Variants in MINK1 observed in about 807,000 individuals in gnomAD.
The protein encoded by MINK1 is misshapen like kinase 1.
In MINK1, 46 loss-of-function variants were observed where a neutral mutation model predicts 178.4. The ratio of observed to expected loss-of-function variants is 0.26; its 90% CI spans 0.20 to 0.33. The LOEUF (loss-of-function observed/expected upper bound fraction) is 0.33. Ranked by LOEUF, MINK1 falls within the 10% of genes least tolerant of loss-of-function variation. The probability of loss-of-function intolerance (pLI) is 1.00; values close to 1 mark genes in which losing one functional copy is unlikely to be tolerated. For synonymous variants in MINK1, 797 were observed against 709.7 expected, an observed-to-expected ratio of 1.12 and a Z score of -1.96; for missense variants, 1,366 against 1,814.9, an observed-to-expected ratio of 0.75 and a Z score of 4.49.
chr17:4,879,017 T>C (rs1428912201), intron 2 of MINK1, among the ~76,000 whole-genome samples: 2 of 151,656 alleles, frequency 1.3e-5, no homozygotes, highest in Non-Finnish European at 2.9e-5. Context: ...TGACCACTGC[T>C]CACACTTGGA....
chr17:4,867,037 G>A (rs1351023661), intron 1 of MINK1, among the ~76,000 whole-genome samples: 1 of 145,894 alleles, frequency 6.9e-6, no homozygotes, highest in Admixed American at 7.0e-5. Flanking sequence ...CGTGCCGCTT[G>A]CACTCCAGCC....
Position 4,885,748 on chromosome 17 carries a change from G to C in MINK1, c.639+135G>C. 7.1e-7 allele frequency: 1 copy of C among 1,416,942 alleles called. No homozygotes were observed. The highest frequency in any genetic ancestry group is 9.6e-7 in the Non-Finnish European group (1 of 1,036,446). The allele number at this position is 1,416,942 out of a possible 1,614,324, so 87.8% of individuals were successfully genotyped here. On this transcript the variant is annotated intron_variant, in intron 7 of 31. Transcript: ENST00000355280. The surrounding 1 kb of genome is among the most constrained non-coding windows in gnomAD (Gnocchi z 5.0). ...AGTGAGGGGCTGGGGAACATCTTACGGCAAGGCAAGTGTGGGTGGGAAGAT... is the reference window on the plus strand; with the variant it reads ...AGTGAGGGGCTGGGGAACATCTTACCGCAAGGCAAGTGTGGGTGGGAAGAT...
At chr17:4,841,566 T>G (rs185547423) in intron 1 of MINK1, among the ~76,000 whole-genome samples, 77 of 148,828 alleles carry the variant, frequency 5.2e-4, no homozygotes, top group Non-Finnish European at 3.3e-4. Flanking sequence ...ATCATCCACT[T>G]TCTCACAGAC....
chr17:4,893,050 C>T lies in MINK1; in HGVS notation c.2383C>T (p.Arg795Trp), dbSNP rs1449922653. 3.2e-6 allele frequency: 5 copies of T among 1,566,344 alleles called. No individual in the cohort carries two copies. The highest frequency in any genetic ancestry group is 1.9e-5 in the Admixed American group (1 of 52,778). Residue 795 changes from arginine (R) to tryptophan (W), a missense_variant, in exon 20 of 32, where the codon CGG becomes TGG. Physicochemically the swap from Arg to Trp is moderately radical, Grantham distance 101 (BLOSUM62 -3). Around this residue, in one of 14 missense-constraint regions of MINK1, gnomAD observed 709 missense variants for 692.3 expected, o/e 1.02. Transcript: ENST00000355280. ...NKAKPDDHRS[R>W]PGRPADFVLL... ...AGCCAAGCCCGACGACCACCGCTCA[C>T]GGCCAGGCCGGCCCGCAGTGAGTCA...
chr17:4,864,703 C>T (rs1439354477), intron 1 of MINK1, among the ~76,000 whole-genome samples: 5 of 151,974 alleles, frequency 3.3e-5, no homozygotes, highest in Non-Finnish European at 5.9e-5. Context: ...CCAGCCTAGG[C>T]GACAAGAGTG....
intron 4 of MINK1, among the ~76,000 whole-genome samples, chr17:4,882,702 A>G (rs1967811432): frequency 6.6e-6 from 1 of 152,234 alleles, no homozygotes. Flanking sequence ...AATAGTCAGT[A>G]CGTAAACGAA....
At chr17:4,881,877 CCCAGT>C (rs1967730604) in intron 4 of MINK1, among the ~76,000 whole-genome samples, 1 of 152,282 alleles carries the variant, frequency 6.6e-6, no homozygotes, top group South Asian at 2.1e-4. Flanking sequence ...TGGTACTGAG[CCCAGT>C]CCCTGAGGAT....
rs772019122 is a variant in MINK1 at position 4,896,160 on chromosome 17, C to G, written c.3466-33C>G. On this transcript the variant is annotated intron_variant, in intron 28 of 31. Transcript: ENST00000355280. This position sits in a 1 kb window ranked among gnomAD's most constrained non-coding sequence, Gnocchi z 4.6. ...GGAGTCCCAGCGCCTCTCCCCGTGC[C>G]CCTGAGCCCTCCTCTCCTCCGGTTC... 2.5e-6 allele frequency: 4 copies of G among 1,602,894 alleles called. No individual in the cohort carries two copies. The highest frequency in any genetic ancestry group is 1.7e-5 in the Admixed American group (1 of 58,498).
chr17:4,897,222 C>CGCT lies in MINK1; in HGVS notation c.3935_3937dup (p.Arg1312_Ser1313insCys), dbSNP rs755748495. ...CACCCAGGTGTTTTTTGCCTCAGTCCGCTCTGGGGGCAGCAGCCAAGTTTA... is the reference window on the plus strand; with the variant it reads ...CACCCAGGTGTTTTTTGCCTCAGTCCGCTGCTCTGGGGGCAGCAGCCAAGTTTA... On this transcript the variant is annotated inframe_insertion, in exon 32 of 32. Transcript: ENST00000355280. The CGCT allele has an allele frequency of 1.2e-6, 2 of 1,613,618 alleles. No individual in the cohort carries two copies. Among genetic ancestry groups the CGCT allele is most frequent in the South Asian group, 2.2e-5 (2 of 91,042 alleles).
intron 14 of MINK1, 100 bp from the exon 15 acceptor site, chr17:4,890,851 G>A: frequency 6.6e-7 from 1 of 1,523,840 alleles, no homozygotes. Flanking sequence ...GGAGCACACA[G>A]CACAGAGCAT....
At chr17:4,842,095 G>T (rs1408676886) in intron 1 of MINK1, among the ~76,000 whole-genome samples, 1 of 151,656 alleles carries the variant, frequency 6.6e-6, no homozygotes. Context: ...GCGGTGGTGG[G>T]CGCCTGTAGT....
chr17:4,893,730 T>C, intron 21 of MINK1, 133 bp downstream of exon 21: 1 of 1,287,648 alleles, frequency 7.8e-7, no homozygotes, highest in Non-Finnish European at 1.0e-6. Context: ...GGGGTGAGGG[T>C]GCAGGTTCCT....
chr17:4,844,621 G>C, intron 1 of MINK1: 1 of 496,678 alleles, frequency 2.0e-6, no homozygotes, highest in South Asian at 1.5e-5. Flanking sequence ...GCACATGTTG[G>C]GAATACAGAG....
At chr17:4,870,145 C>G (rs1915679953) in intron 1 of MINK1, among the ~76,000 whole-genome samples, 1 of 151,726 alleles carries the variant, frequency 6.6e-6, no homozygotes, top group African/African-American at 2.4e-5. Context: ...ATCTCCTGAC[C>G]TCATGATCCA....
chr17:4,849,665 T>C (rs554660709), intron 1 of MINK1, among the ~76,000 whole-genome samples: 2 of 152,240 alleles, frequency 1.3e-5, no homozygotes, highest in East Asian at 3.9e-4. Context: ...CTCCATCTCC[T>C]GGTTTAAGCG....
In MINK1 at chr17:4,896,547, A is replaced by G. The variant is rs746539035; in HGVS notation, c.3734A>G (p.Lys1245Arg). The change falls in exon 30 of 32, where the codon AAG (lysine) becomes AGG (arginine). Residue 1245 changes from lysine (K) to arginine (R), a missense_variant. Lys to Arg is a conservative substitution (Grantham distance 26). Coordinates refer to ENST00000355280, the MANE Select transcript of MINK1 (RefSeq NM_153827.5). The surrounding 1 kb of genome is among the most constrained non-coding windows in gnomAD (Gnocchi z 4.6). ...VYVNTYGRII[K>R]DVVLQWGEMP... ...GTCAACACGTACGGGCGCATCATTA[A>G]GGATGTGGTGCTGCAGTGGGGGGAG... 6.2e-7 allele frequency: 1 copy of G among 1,613,944 alleles called. No homozygotes were observed. The highest frequency in any genetic ancestry group is 8.5e-7 in the Non-Finnish European group (1 of 1,179,868).
At chr17:4,864,212 C>T (rs181465193) in intron 1 of MINK1, among the ~76,000 whole-genome samples, 49 of 150,444 alleles carry the variant, frequency 3.3e-4, no homozygotes, top group Admixed American at 2.8e-3. Context: ...CCAGCCTGAC[C>T]GACATGGAGA....
At chr17:4,852,097 A>G (rs1484811831) in intron 1 of MINK1, among the ~76,000 whole-genome samples, 1 of 152,120 alleles carries the variant, frequency 6.6e-6, no homozygotes, top group Non-Finnish European at 1.5e-5. Context: ...TTCATATGAC[A>G]AAAAGGAGAT....
At position 4,891,536 on chromosome 17, in the gene MINK1, C is replaced by T. The variant is rs1325407593; in HGVS notation, c.1821C>T (p.Thr607=). 2 of 1,610,716 alleles carry T rather than the reference C, an allele frequency of 1.2e-6. No individual in the cohort carries two copies. Among genetic ancestry groups the T allele is most frequent in the East Asian group, 4.5e-5 (2 of 44,754 alleles). Residue 607 remains threonine, a synonymous_variant, in exon 16 of 32, where the codon ACC becomes ACT. Coordinates refer to ENST00000355280, the MANE Select transcript of MINK1 (RefSeq NM_153827.5). The part of the protein sequence containing the change: ...PRSQSLQDQP[T]RNLAAFPASH... ...CCCAGTCCCTGCAGGACCAGCCCAC[C>T]CGAAACCTGGCTGCCTTCCCAGCCT... is the stretch of plus-strand genomic sequence containing the variant.
Sources: gnomAD v4.1 joint callset for allele counts (sites outside exome capture counted in the v4.1 genomes callset) on GRCh38, gnomAD v4.1.1 for gene constraint, gnomAD v4.1.1 regional missense constraint, Gnocchi (gnomAD v3.1) non-coding constraint, MANE v1.5 for transcripts, NCBI Gene and HGNC (gene_info 2026-07-23, HGNC 2026-07-21) for gene names.